The following DENND2A variants were observed in gnomAD, a reference collection of about 807,000 sequenced individuals.
DENND2A encodes DENN domain-containing protein 2A.
A neutral mutation model predicts 105.3 loss-of-function variants in DENND2A; 53 were observed. The ratio of observed to expected loss-of-function variants is 0.50; its 90% CI spans 0.40 to 0.63. DENND2A has a LOEUF of 0.63. Ranked by LOEUF, DENND2A falls within the 30% of genes least tolerant of loss-of-function variation. The pLI is 0.00. For synonymous variants in DENND2A, 522 were observed against 508.4 expected (o/e 1.03, Z -0.36); for missense variants, 1,138 against 1,279.6 (o/e 0.89, Z 1.69).
chr7:140,527,401 C>G lies in DENND2A; in HGVS notation c.2422G>C (p.Asp808His). 2 of 1,609,494 alleles carry G rather than the reference C, an allele frequency of 1.2e-6. No individual in the cohort carries two copies. The highest frequency in any genetic ancestry group is 1.7e-6 in the Non-Finnish European group (2 of 1,178,874). The change falls in exon 15 of 20, where the codon GAC becomes CAC. Residue 808 changes from aspartate (D) to histidine (H), a missense_variant. This residue lies in a region of DENND2A where 627 missense variants were observed against 779.8 expected (regional missense o/e 0.80). Transcript: ENST00000496613. This position sits in a 1 kb window ranked among gnomAD's most constrained non-coding sequence, Gnocchi z 4.9. ...YIPVLPPAMV[D>H]IVCSPTPFLI... ...AAGGGCGTCGGCGAGCACACGATGT[C>G]GACCATGGCGGGTGGCAGCACCGGG...
rs149810818 is a variant in DENND2A at position 140,540,613 on chromosome 7, G to T, written c.2327+4005C>A. Among the ~76,000 whole-genome samples, 4 of 152,342 alleles carry T rather than the reference G, an allele frequency of 2.6e-5. No homozygotes were observed. The East Asian group carries it at 7.7e-4, about 29-fold the overall frequency. ...TGGTGACAGCAGCTCTGTGGGAGGGGCTGGCCCAGCGTCCAACCTGTCCAC... is the reference window on the plus strand; with the variant it reads ...TGGTGACAGCAGCTCTGTGGGAGGGTCTGGCCCAGCGTCCAACCTGTCCAC... On this transcript the variant is annotated intron_variant, in intron 14 of 19. Coordinates refer to ENST00000496613, the MANE Select transcript of DENND2A (RefSeq NM_015689.5).
intron 4 of DENND2A, 114 bp from the exon 5 acceptor site, chr7:140,585,824 G>T: frequency 6.7e-7 from 1 of 1,482,254 alleles, no homozygotes; most frequent in Non-Finnish European, 9.2e-7. Context: ...AGGCATATCT[G>T]CTGTTTTGCC....
At chr7:140,539,205 C>T (rs941204493) in intron 14 of DENND2A, among the ~76,000 whole-genome samples, 40 of 152,192 alleles carry the variant, frequency 2.6e-4, no homozygotes, top group Non-Finnish European at 1.2e-4. Flanking sequence ...ATGGCCTGGC[C>T]AAAGAACACT....
chr7:140,635,073 G>A (rs771355994), intron 1 of DENND2A, among the ~76,000 whole-genome samples: 5 of 151,992 alleles, frequency 3.3e-5, no homozygotes, highest in African/African-American at 4.8e-5. Flanking sequence ...GACCAGCCTG[G>A]GCAACATGGG....
At chr7:140,550,112 G>C (rs1057047172) in intron 12 of DENND2A, among the ~76,000 whole-genome samples, 3 of 150,272 alleles carry the variant, frequency 2.0e-5, no homozygotes, top group African/African-American at 7.4e-5. Context: ...CGATGGTGAG[G>C]GGTTAGGGGA....
rs148523018 is a variant in DENND2A, at chr7:140,547,265, G to C, written c.2038-326C>G. On this transcript the variant is annotated intron_variant, in intron 12 of 19. Coordinates refer to ENST00000496613, the MANE Select transcript of DENND2A (RefSeq NM_015689.5). ...TCAATGAAGGTAATATAACCCCAAG[G>C]GGGTAAGAACTGGTTTTTGGGAGGA... 2.1e-4 allele frequency among the ~76,000 whole-genome samples: 32 copies of C among 152,152 alleles called. 1 individual carries two copies. The highest frequency in any genetic ancestry group is 4.0e-4 in the Non-Finnish European group (27 of 68,026).
chr7:140,536,188 A>C (rs1796449866), intron 14 of DENND2A, among the ~76,000 whole-genome samples: 1 of 152,124 alleles, frequency 6.6e-6, no homozygotes, highest in Non-Finnish European at 1.5e-5. Flanking sequence ...CCCCGTCTCT[A>C]CTAAAAATGC....
At chr7:140,622,726 T>C (rs1283676005) in intron 1 of DENND2A, among the ~76,000 whole-genome samples, 2 of 147,286 alleles carry the variant, frequency 1.4e-5, no homozygotes, top group Non-Finnish European at 1.5e-5. Flanking sequence ...ACTTTTTCCT[T>C]CTTCTTCTTC....
chr7:140,626,535 C>T (rs1800539393), intron 1 of DENND2A, among the ~76,000 whole-genome samples: 1 of 152,218 alleles, frequency 6.6e-6, no homozygotes, highest in Non-Finnish European at 1.5e-5. Flanking sequence ...GAATGGAATG[C>T]ACCCGTAGGT....
At position 140,586,664 on chromosome 7, in the gene DENND2A, C is replaced by A. The variant is rs147627067; in HGVS notation, c.1124-954G>T. On this transcript the variant is annotated intron_variant, in intron 4 of 19. Transcript: ENST00000496613. Reference sequence around the variant, plus strand: ...CTGAAAGCATCCTCTTGGGCAGTCACTGCTAAGAGAAGTCCAGATCTCGCT... The same window carrying A: ...CTGAAAGCATCCTCTTGGGCAGTCAATGCTAAGAGAAGTCCAGATCTCGCT... Among the ~76,000 whole-genome samples, 921 of 152,312 alleles carry A rather than the reference C, an allele frequency of 6.0e-3. 10 individuals are homozygous for A. Among genetic ancestry groups the A allele is most frequent in the African/African-American group, 0.021 (890 of 41,564 alleles).
At chr7:140,580,214 T>C (rs1385655582) in intron 5 of DENND2A, among the ~76,000 whole-genome samples, 3 of 152,200 alleles carry the variant, frequency 2.0e-5, no homozygotes, top group Non-Finnish European at 4.4e-5. Flanking sequence ...AACTTTGCAG[T>C]AATTGAAACA....
Position 140,612,039 on chromosome 7 carries a change from G to A in DENND2A, c.-247-6233C>T, listed in dbSNP as rs556893700. 3.3e-5 allele frequency among the ~76,000 whole-genome samples: 5 copies of A among 152,140 alleles called. No individual in the cohort carries two copies. The South Asian group carries it at 6.2e-4, about 19-fold the overall frequency. On this transcript the variant is annotated intron_variant, in intron 1 of 19. Transcript: ENST00000496613. ...GTGGATCACCTGAGGTCTGGAGTTC[G>A]AGACCAGCCTGACCAAATGGTGAAA...
chr7:140,600,752 CT>C (rs1799454184), intron 3 of DENND2A, among the ~76,000 whole-genome samples: 1 of 152,076 alleles, frequency 6.6e-6, no homozygotes, highest in African/African-American at 2.4e-5. Context: ...GAGTTTTGCT[CT>C]AAAGCTGGTT....
At chr7:140,522,842 A>G (rs567336743) in intron 17 of DENND2A, among the ~76,000 whole-genome samples, 163 of 152,084 alleles carry the variant, frequency 1.1e-3, no homozygotes, top group Middle Eastern at 3.4e-3. Flanking sequence ...TCTTGACTTC[A>G]GGTGATCCAC....
chr7:140,636,684 CT>C (rs35563637), intron 1 of DENND2A, among the ~76,000 whole-genome samples: 17,716 of 98,520 alleles, frequency 0.18, 872 homozygotes, highest in East Asian at 0.34. Context: ...CCTCCCCAGC[CT>C]TTTTTTTTTT....
chr7:140,596,712 T>G (rs1799299295), intron 3 of DENND2A, among the ~76,000 whole-genome samples: 1 of 152,206 alleles, frequency 6.6e-6, no homozygotes, highest in Admixed American at 6.5e-5. Context: ...TGCAGTTATT[T>G]GGTTTCATAA....
chr7:140,565,367 TGG>T (rs1357326910), intron 9 of DENND2A, among the ~76,000 whole-genome samples: 1 of 152,102 alleles, frequency 6.6e-6, no homozygotes, highest in East Asian at 1.9e-4. Flanking sequence ...TATGTCCTCC[TGG>T]GAGAGTTTAA....
At chr7:140,550,214 C>CA (rs1797069984) in intron 12 of DENND2A, among the ~76,000 whole-genome samples, 1 of 151,968 alleles carries the variant, frequency 6.6e-6, no homozygotes, top group Admixed American at 6.6e-5. Context: ...TCTTTTGAGA[C>CA]AGAGTTTCGC....
intron 16 of DENND2A, among the ~76,000 whole-genome samples, chr7:140,525,153 CTTT>C (rs1198329788): frequency 4.5e-5 from 5 of 111,980 alleles, no homozygotes; most frequent in Non-Finnish European, 1.8e-5. Flanking sequence ...GAGACCCTGT[CTTT>C]TTTTTTTTTT....
Sources: allele counts gnomAD v4.1 joint callset (sites outside exome capture counted in the v4.1 genomes callset), GRCh38; gene constraint gnomAD v4.1.1; regional missense constraint gnomAD v4.1.1; non-coding constraint Gnocchi (gnomAD v3.1); transcripts MANE v1.5; gene names NCBI Gene and HGNC (gene_info 2026-07-23, HGNC 2026-07-21).